CCDC85A: variants seen among roughly 807,000 people sequenced by gnomAD.
The protein encoded by CCDC85A is coiled-coil domain containing 85A.
CCDC85A carries 38 observed loss-of-function variants against 50.2 expected under a neutral mutation model. The observed-to-expected ratio is 0.76, with a 90% CI of 0.58 to 0.99. CCDC85A has a LOEUF of 0.99. Among genes scored for constraint, CCDC85A ranks in the 50% least tolerant of loss-of-function variants. The probability of loss-of-function intolerance (pLI) is 0.00; values close to 1 mark genes in which losing one functional copy is unlikely to be tolerated. For missense variants in CCDC85A, 820 were observed against 742.0 expected (o/e 1.11, Z -1.22); for synonymous variants, 366 against 301.4 (o/e 1.21, Z -2.22).
At chr2:56,252,697 C>A (rs1669818091) in intron 2 of CCDC85A, among the ~76,000 whole-genome samples, 1 of 152,160 alleles carries the variant, frequency 6.6e-6, no homozygotes, top group African/African-American at 2.4e-5. Context: ...CCTCGGGCCC[C>A]CCCGCCCAAC....
intron 2 of CCDC85A, among the ~76,000 whole-genome samples, chr2:56,207,925 A>T (rs536513237): frequency 8.7e-4 from 132 of 152,118 alleles, no homozygotes; most frequent in Admixed American, 1.6e-3. Context: ...TCACTCTGGA[A>T]CTCTTTGGAC....
chr2:56,341,016 C>G (rs140366543), intron 2 of CCDC85A, among the ~76,000 whole-genome samples: 1 of 151,810 alleles, frequency 6.6e-6, no homozygotes, highest in African/African-American at 2.4e-5. Context: ...TATACATTGG[C>G]GTACTTCTGG....
At chr2:56,354,674 A>G (rs1200240409) in intron 3 of CCDC85A, among the ~76,000 whole-genome samples, 1 of 152,210 alleles carries the variant, frequency 6.6e-6, no homozygotes, top group Non-Finnish European at 1.5e-5. Context: ...ACCTGGTAGC[A>G]TGTTAACACA....
At chr2:56,358,321 T>A (rs1675339301) in intron 3 of CCDC85A, among the ~76,000 whole-genome samples, 1 of 152,210 alleles carries the variant, frequency 6.6e-6, no homozygotes, top group South Asian at 2.1e-4. Flanking sequence ...CTTGTCCTTT[T>A]AGAACTCTTA....
At position 56,192,042 on chromosome 2, in the gene CCDC85A, A is replaced by ATAATGAACTGGTTGCT. The variant is rs1485992347; in HGVS notation, c.277-435_277-434insTAATGAACTGGTTGCT. On this transcript the variant is annotated intron_variant, in intron 1 of 5. Coordinates refer to ENST00000407595, the MANE Select transcript of CCDC85A (RefSeq NM_001080433.2). This position sits in a 1 kb window ranked among gnomAD's most constrained non-coding sequence, Gnocchi z 4.7. ...TGAACTGGTTGCTCCCTAACTACTGACCAGATGAACTTGGACAAGTGAAGC... is the reference window on the plus strand; with the variant it reads ...TGAACTGGTTGCTCCCTAACTACTGATAATGAACTGGTTGCTCCAGATGAACTTGGACAAGTGAAGC... Among the ~76,000 whole-genome samples the ATAATGAACTGGTTGCT allele has an allele frequency of 6.6e-6, 1 of 152,122 alleles. No individual in the cohort carries two copies. Among genetic ancestry groups the ATAATGAACTGGTTGCT allele is most frequent in the East Asian group, 1.9e-4 (1 of 5,188 alleles).
intron 2 of CCDC85A, among the ~76,000 whole-genome samples, chr2:56,208,270 A>G (rs1204491706): frequency 6.6e-6 from 1 of 152,160 alleles, no homozygotes; most frequent in Non-Finnish European, 1.5e-5. Flanking sequence ...AGGATACCAA[A>G]TTTCATTAGC....
intron 5 of CCDC85A, among the ~76,000 whole-genome samples, chr2:56,378,952 C>T (rs1268014944): frequency 2.0e-5 from 3 of 152,138 alleles, no homozygotes; most frequent in Non-Finnish European, 4.4e-5. Context: ...CAACAAACAG[C>T]ACAGAAAGCC....
chr2:56,331,494 T>A (rs1285131809), intron 2 of CCDC85A, among the ~76,000 whole-genome samples: 2 of 152,166 alleles, frequency 1.3e-5, no homozygotes. Context: ...CTGCAATATA[T>A]CCATGTAACA....
chr2:56,225,550 G>T (rs1199182963), intron 2 of CCDC85A, among the ~76,000 whole-genome samples: 1 of 152,098 alleles, frequency 6.6e-6, no homozygotes, highest in African/African-American at 2.4e-5. Context: ...TGTGTAGTAA[G>T]TTTTGAAATC....
intron 2 of CCDC85A, among the ~76,000 whole-genome samples, chr2:56,312,560 A>G (rs1379366945): frequency 6.6e-6 from 1 of 152,130 alleles, no homozygotes; most frequent in Non-Finnish European, 1.5e-5. Context: ...ATAAAGATTT[A>G]TGATGATTTT....
rs142863972 is a variant in CCDC85A at position 56,188,292 on chromosome 2, T to A, written c.276+3392T>A. On this transcript the variant is annotated intron_variant, in intron 1 of 5. Transcript: ENST00000407595. Reference sequence around the variant, plus strand: ...AAGGAAATAGCTCAGAACTGAATAGTAAATAATATTCTCAAGAAAACTAAT... The same window carrying A: ...AAGGAAATAGCTCAGAACTGAATAGAAAATAATATTCTCAAGAAAACTAAT... Among the ~76,000 whole-genome samples, 7 of 152,310 alleles carry A rather than the reference T, an allele frequency of 4.6e-5. No homozygotes were observed. In the East Asian group the frequency reaches 9.6e-4, roughly 21 times the overall value.
chr2:56,372,095 C>T (rs969795942), intron 3 of CCDC85A, among the ~76,000 whole-genome samples: 4 of 152,116 alleles, frequency 2.6e-5, no homozygotes, highest in Non-Finnish European at 5.9e-5. Flanking sequence ...TTGACTTTAT[C>T]GTCTACTTTT....
At chr2:56,286,861 T>C (rs941863311) in intron 2 of CCDC85A, among the ~76,000 whole-genome samples, 5 of 152,332 alleles carry the variant, frequency 3.3e-5, no homozygotes, top group African/African-American at 4.8e-5. Flanking sequence ...AATTTTCTTC[T>C]GGAAAGCAGT....
chr2:56,290,169 T>A (rs1354671815), intron 2 of CCDC85A, among the ~76,000 whole-genome samples: 3 of 152,230 alleles, frequency 2.0e-5, no homozygotes, highest in Non-Finnish European at 4.4e-5. Flanking sequence ...AAGCTCTATG[T>A]CTGTAATCAC....
intron 2 of CCDC85A, among the ~76,000 whole-genome samples, chr2:56,267,223 T>G (rs1670490701): frequency 6.6e-6 from 1 of 152,166 alleles, no homozygotes; most frequent in African/African-American, 2.4e-5. Flanking sequence ...CCCCACGCTC[T>G]TGCCAGTTCT....
chr2:56,266,492 G>C (rs991551972), intron 2 of CCDC85A, among the ~76,000 whole-genome samples: 6 of 148,354 alleles, frequency 4.0e-5, no homozygotes, highest in African/African-American at 1.5e-4. Context: ...TTATTAGCCT[G>C]ATTTGATTAT....
intron 2 of CCDC85A, among the ~76,000 whole-genome samples, chr2:56,305,385 G>C (rs1001351031): frequency 2.0e-5 from 3 of 152,158 alleles, no homozygotes; most frequent in African/African-American, 7.2e-5. Context: ...GAGAGGTTAA[G>C]TAACCTGCCC....
intron 2 of CCDC85A, among the ~76,000 whole-genome samples, chr2:56,205,137 C>G (rs1405532584): frequency 5.3e-5 from 8 of 152,102 alleles, no homozygotes; most frequent in Admixed American, 5.2e-4. Context: ...TCCCTTTCCA[C>G]TCCATTGTAG....
intron 2 of CCDC85A, among the ~76,000 whole-genome samples, chr2:56,220,377 A>C (rs182065600): frequency 1.4e-3 from 213 of 152,142 alleles, no homozygotes; most frequent in African/African-American, 5.1e-3. Context: ...GTGTTATATA[A>C]GGATAAAATA....
Sources: allele counts gnomAD v4.1 joint callset (sites outside exome capture counted in the v4.1 genomes callset), GRCh38; gene constraint gnomAD v4.1.1; non-coding constraint Gnocchi (gnomAD v3.1); transcripts MANE v1.5; gene names NCBI Gene and HGNC (gene_info 2026-07-23, HGNC 2026-07-21).